Variants in ZBTB12 observed in about 807,000 individuals in gnomAD.
The protein encoded by ZBTB12 is zinc finger and BTB domain containing 12.
A neutral mutation model predicts 6.4 loss-of-function variants in ZBTB12; 1 was observed. The observed-to-expected ratio is 0.16, with a 90% CI of 0.06 to 0.74. The LOEUF (loss-of-function observed/expected upper bound fraction) is 0.74, where lower values mean the gene tolerates loss of function less well. Among genes scored for constraint, ZBTB12 ranks in the 30% least tolerant of loss-of-function variants. ZBTB12 has a pLI of 0.78. For missense variants in ZBTB12, 344 were observed against 613.9 expected (o/e 0.56, Z 4.65); for synonymous variants, 273 against 262.5 (o/e 1.04, Z -0.39).
Position 31,901,266 on chromosome 6 carries a change from C to G in ZBTB12, c.40G>C (p.Gly14Arg). The G allele has an allele frequency of 6.2e-7, 1 of 1,612,472 alleles. No homozygotes were observed. The highest frequency in any genetic ancestry group is 8.5e-7 in the Non-Finnish European group (1 of 1,179,306). Residue 14 changes from glycine to arginine, a missense_variant, in exon 2 of 2, where the codon GGC (glycine) becomes CGC (arginine). By Grantham distance (125) the Gly-to-Arg change is moderately radical. This residue lies in a region of ZBTB12 where 17 missense variants were observed against 16.5 expected (regional missense o/e 1.03). Transcript: ENST00000375527. The stretch of plus-strand genomic sequence containing the variant: ...TTCCGTAGCGTTGCGGCCTCGTGGC[C>G]GGGCAGCTGGAAGCGCAGGACTTCC... Reference protein sequence around the residue: ...GVEVLRFQLPGHEAATLRNMN... With the variant: ...GVEVLRFQLPRHEAATLRNMN...
In ZBTB12 at chr6:31,901,249, C is replaced by T. The variant is rs1767230158; in HGVS notation, c.57G>A (p.Thr19=). 1.9e-6 allele frequency: 3 copies of T among 1,612,988 alleles called. No individual in the cohort carries two copies. In the South Asian group the frequency reaches 3.3e-5, roughly 18 times the overall value. Residue 19 remains threonine, a synonymous_variant, in exon 2 of 2, where the codon ACG becomes ACA. Coordinates refer to ENST00000375527, the MANE Select transcript of ZBTB12 (RefSeq NM_181842.3). ...RFQLPGHEAA[T]LRNMNQLRAE... is the part of the protein sequence containing the mutation. ...CCCGGAGCTGGTTCATGTTCCGTAGCGTTGCGGCCTCGTGGCCGGGCAGCT... is the reference window on the plus strand; with the variant it reads ...CCCGGAGCTGGTTCATGTTCCGTAGTGTTGCGGCCTCGTGGCCGGGCAGCT...
At chr6:31,901,602 AG>A (rs1295406096) in intron 1 of ZBTB12, among the ~76,000 whole-genome samples, 1 of 151,438 alleles carries the variant, frequency 6.6e-6, no homozygotes, top group African/African-American at 2.4e-5. Context: ...ACGGAGAAAA[AG>A]GGGGGCCAGA....
Position 31,900,612 on chromosome 6 carries a change from C to A in ZBTB12, c.694G>T (p.Gly232Cys). 6.2e-7 allele frequency: 1 copy of A among 1,612,714 alleles called. No individual in the cohort carries two copies. Among genetic ancestry groups the A allele is most frequent in the Non-Finnish European group, 8.5e-7 (1 of 1,180,012 alleles). ...CCCACGGAGCCTCCAATGCCCAGACCCCCTCCCAGGCCTCCAGGGGGTTTG... is the reference window on the plus strand; with the variant it reads ...CCCACGGAGCCTCCAATGCCCAGACACCCTCCCAGGCCTCCAGGGGGTTTG... ...RLKPPGGLGGGLGIGGSVGGH... is the reference protein window; with the variant it reads ...RLKPPGGLGGCLGIGGSVGGH... The change falls in exon 2 of 2, where the codon GGT becomes TGT. Residue 232 changes from glycine to cysteine, a missense_variant. Gly to Cys is a radical substitution (Grantham distance 159). Around this residue, in one of 5 missense-constraint regions of ZBTB12, gnomAD observed 241 missense variants for 315.4 expected, o/e 0.76. Transcript: ENST00000375527. This position sits in a 1 kb window ranked among gnomAD's most constrained non-coding sequence, Gnocchi z 9.7.
chr6:31,900,658 G>C lies in ZBTB12; in HGVS notation c.648C>G (p.Ala216=). The change falls in exon 2 of 2, where the codon GCC becomes GCG. Residue 216 remains alanine (A), a synonymous_variant. Transcript: ENST00000375527. The surrounding 1 kb of genome is among the most constrained non-coding windows in gnomAD (Gnocchi z 9.7). The part of the protein sequence containing the change: ...SDICIVKVES[A]LEVAHRLKPP... ...GTTTGAGCCGGTGTGCCACCTCCAG[G>C]GCCGACTCCACCTTGACGATGCAGA... is the stretch of plus-strand genomic sequence containing the variant. The C allele has an allele frequency of 6.2e-7, 1 of 1,612,760 alleles. No homozygotes were observed. Among genetic ancestry groups the C allele is most frequent in the Non-Finnish European group, 8.5e-7 (1 of 1,179,966 alleles).
chr6:31,901,100 T>G lies in ZBTB12; in HGVS notation c.206A>C (p.Glu69Ala), dbSNP rs1333477969. ...RDQFLLNPSS[E>A]LQVSLMHSAR... Reference sequence around the variant, plus strand: ...ACTGTGCATCAGGGAGACCTGCAGCTCCGAGCTGGGGTTCAGCAGGAACTG... The same window carrying G: ...ACTGTGCATCAGGGAGACCTGCAGCGCCGAGCTGGGGTTCAGCAGGAACTG... Residue 69 changes from glutamate (E) to alanine (A), a missense_variant, in exon 2 of 2, where the codon GAG becomes GCG. Physicochemically the swap from Glu to Ala is moderately radical, Grantham distance 107. Around this residue, in one of 5 missense-constraint regions of ZBTB12, gnomAD observed 50 missense variants for 139.1 expected, o/e 0.36. Transcript: ENST00000375527. 6.2e-7 allele frequency: 1 copy of G among 1,614,034 alleles called. No individual in the cohort carries two copies. Among genetic ancestry groups the G allele is most frequent in the African/African-American group, 1.3e-5 (1 of 75,036 alleles).
At position 31,900,233 on chromosome 6, in the gene ZBTB12, A is replaced by T; in HGVS notation, c.1073T>A (p.Ile358Asn). 6.2e-7 allele frequency: 1 copy of T among 1,614,068 alleles called. No homozygotes were observed. The highest frequency in any genetic ancestry group is 8.5e-7 in the Non-Finnish European group (1 of 1,180,034). ...LVFHMRAQHF[I>N]FMCPRCGKQF... ...CTTGCCACAGCGAGGGCACATGAAGATGAAGTGCTGCGCCCGCATGTGGAA... is the reference window on the plus strand; with the variant it reads ...CTTGCCACAGCGAGGGCACATGAAGTTGAAGTGCTGCGCCCGCATGTGGAA... Residue 358 changes from isoleucine to asparagine, a missense_variant, in exon 2 of 2, where the codon ATC becomes AAC. By Grantham distance (149) the Ile-to-Asn change is moderately radical (BLOSUM62 -3). Around this residue, in one of 5 missense-constraint regions of ZBTB12, gnomAD observed 241 missense variants for 315.4 expected, o/e 0.76. Coordinates refer to ENST00000375527, the MANE Select transcript of ZBTB12 (RefSeq NM_181842.3). This position sits in a 1 kb window ranked among gnomAD's most constrained non-coding sequence, Gnocchi z 9.7.
chr6:31,901,065 C>T lies in ZBTB12; in HGVS notation c.241G>A (p.Val81Met). ...QVSLMHSARI[V>M]ADLLLSCYTG... ...TAGCAGGAGAGGAGCAAGTCGGCCA[C>T]GATGCGTGCACTGTGCATCAGGGAG... The change falls in exon 2 of 2, where the codon GTG (valine) becomes ATG (methionine). Residue 81 changes from valine (V) to methionine (M), a missense_variant. Coordinates refer to ENST00000375527, the MANE Select transcript of ZBTB12 (RefSeq NM_181842.3). The T allele has an allele frequency of 1.9e-6, 3 of 1,614,184 alleles. No individual in the cohort carries two copies. Among genetic ancestry groups the T allele is most frequent in the Non-Finnish European group, 2.5e-6 (3 of 1,180,038 alleles).
Position 31,900,495 on chromosome 6 carries a change from C to T in ZBTB12, c.811G>A (p.Glu271Lys). Reference protein sequence around the residue: ...GVVKACYSLSEDAEGEGLLLI... With the variant: ...GVVKACYSLSKDAEGEGLLLI... ...AGCAGGCCCTCCCCTTCTGCATCTT[C>T]CGACAGGCTATAGCAGGCCTTCACC... is the stretch of plus-strand genomic sequence containing the variant. Residue 271 changes from glutamate (E) to lysine (K), a missense_variant, in exon 2 of 2, where the codon GAA (glutamate) becomes AAA (lysine). This residue lies in a region of ZBTB12 where 241 missense variants were observed against 315.4 expected (regional missense o/e 0.76). Transcript: ENST00000375527. This position sits in a 1 kb window ranked among gnomAD's most constrained non-coding sequence, Gnocchi z 9.7. 3.1e-6 allele frequency: 5 copies of T among 1,609,970 alleles called. No homozygotes were observed. Among genetic ancestry groups the T allele is most frequent in the Non-Finnish European group, 4.2e-6 (5 of 1,179,542 alleles).
chr6:31,901,309 G>A lies in ZBTB12; in HGVS notation c.-4C>T, dbSNP rs1449437134. ...GGACTTCCACCCCAGAGGCCATTGT[G>A]GCGGGGGTGGGCAACCCTGGTTGGG... On this transcript the variant is annotated 5_prime_UTR_variant, in exon 2 of 2. Transcript: ENST00000375527. 2 of 1,603,000 alleles carry A rather than the reference G, an allele frequency of 1.2e-6. No homozygotes were observed. Among genetic ancestry groups the A allele is most frequent in the South Asian group, 2.2e-5 (2 of 90,582 alleles).
intron 1 of ZBTB12, 131 bp downstream of exon 1, chr6:31,901,706 T>G: frequency 1.6e-5 from 3 of 187,248 alleles, no homozygotes; most frequent in Non-Finnish European, 2.0e-5. Context: ...GCCCCCCCCT[T>G]ACACGTTTGC....
At position 31,901,036 on chromosome 6, in the gene ZBTB12, C is replaced by T. The variant is rs748362018; in HGVS notation, c.270G>A (p.Thr90=). ...CCCTAACAGCGAATTCCAAGGCGCC[C>T]GTGTAGCAGGAGAGGAGCAAGTCGG... The part of the protein sequence containing the change: ...IVADLLLSCY[T]GALEFAVRDI... The change falls in exon 2 of 2, where the codon ACG becomes ACA. Residue 90 remains threonine, a synonymous_variant. Transcript: ENST00000375527. 2 of 1,614,078 alleles carry T rather than the reference C, an allele frequency of 1.2e-6. No individual in the cohort carries two copies. Among genetic ancestry groups the T allele is most frequent in the Admixed American group, 1.7e-5 (1 of 60,006 alleles).
At position 31,900,374 on chromosome 6, in the gene ZBTB12, AGGCTGCCCCCCGCCCCCC is replaced by A. The variant is rs765347637; in HGVS notation, c.914_931del (p.Arg305_Ser310del). On this transcript the variant is annotated inframe_deletion, in exon 2 of 2. Coordinates refer to ENST00000375527, the MANE Select transcript of ZBTB12 (RefSeq NM_181842.3). This position sits in a 1 kb window ranked among gnomAD's most constrained non-coding sequence, Gnocchi z 9.7. ...GGGTCCCCGGCTGCCCCCCGCCCCCAGGCTGCCCCCCGCCCCCCGGGCAGCCATGGCCACCGCTGCTGC... is the reference window on the plus strand; with the variant it reads ...GGGTCCCCGGCTGCCCCCCGCCCCCAGGGCAGCCATGGCCACCGCTGCTGC... 1.9e-5 allele frequency: 27 copies of A among 1,404,966 alleles called. No individual in the cohort carries two copies. The highest frequency in any genetic ancestry group is 4.6e-5 in the African/African-American group (3 of 65,192). The allele number at this position is 1,404,966 out of a possible 1,614,324, so 87.0% of individuals were successfully genotyped here. A position where few individuals can be genotyped will look rare whatever the true frequency, so the allele number is the denominator to read the frequency against.
Position 31,901,266 on chromosome 6 carries a change from C to CGGGCAGCT in ZBTB12, c.32_39dup (p.Gly14SerfsTer13). The CGGGCAGCT allele has an allele frequency of 6.2e-7, 1 of 1,612,472 alleles. No homozygotes were observed. The highest frequency in any genetic ancestry group is 8.5e-7 in the Non-Finnish European group (1 of 1,179,306). On this transcript the variant is annotated frameshift_variant, in exon 2 of 2. Transcript: ENST00000375527. LOFTEE classifies it low-confidence loss of function (END_TRUNC). ...TTCCGTAGCGTTGCGGCCTCGTGGC[C>CGGGCAGCT]GGGCAGCTGGAAGCGCAGGACTTCC...
chr6:31,900,496 C>A lies in ZBTB12; in HGVS notation c.810G>T (p.Ser270=). The A allele has an allele frequency of 1.2e-6, 2 of 1,609,924 alleles. No homozygotes were observed. Among genetic ancestry groups the A allele is most frequent in the Non-Finnish European group, 1.7e-6 (2 of 1,179,522 alleles). The change falls in exon 2 of 2, where the codon TCG becomes TCT. Residue 270 remains serine, a synonymous_variant. Coordinates refer to ENST00000375527, the MANE Select transcript of ZBTB12 (RefSeq NM_181842.3). This position sits in a 1 kb window ranked among gnomAD's most constrained non-coding sequence, Gnocchi z 9.7. ...GCAGGCCCTCCCCTTCTGCATCTTC[C>A]GACAGGCTATAGCAGGCCTTCACCA... The part of the protein sequence containing the change: ...QGVVKACYSL[S]EDAEGEGLLL...
At position 31,901,000 on chromosome 6, in the gene ZBTB12, G is replaced by A; in HGVS notation, c.306C>T (p.Asn102=). The A allele has an allele frequency of 2.5e-6, 4 of 1,614,240 alleles. No individual in the cohort carries two copies. Among genetic ancestry groups the A allele is most frequent in the Non-Finnish European group, 2.5e-6 (3 of 1,180,038 alleles). The change falls in exon 2 of 2, where the codon AAC becomes AAT. Residue 102 remains asparagine, a synonymous_variant. Coordinates refer to ENST00000375527, the MANE Select transcript of ZBTB12 (RefSeq NM_181842.3). The surrounding 1 kb of genome is among the most constrained non-coding windows in gnomAD (Gnocchi z 9.7). ...GCAGGTAGGAGGCGGCTGTAAGGTA[G>A]TTGACGATGTCCCTAACAGCGAATT... The part of the protein sequence containing the change: ...ALEFAVRDIV[N]YLTAASYLQM...
Position 31,899,976 on chromosome 6 carries a change from C to G in ZBTB12, c.1330G>C (p.Glu444Gln). The G allele has an allele frequency of 1.2e-6, 2 of 1,603,044 alleles. No homozygotes were observed. The highest frequency in any genetic ancestry group is 1.1e-5 in the South Asian group (1 of 90,802). ...GCCACACTGGCCTCCAGCACGTTCTCGGCCGTGGTCTTGCCGTGTTGCTCC... is the reference window on the plus strand; with the variant it reads ...GCCACACTGGCCTCCAGCACGTTCTGGGCCGTGGTCTTGCCGTGTTGCTCC... ...LKEQHGKTTA[E>Q]NVLEASVAEI... The change falls in exon 2 of 2, where the codon GAG becomes CAG. Residue 444 changes from glutamate (E) to glutamine (Q), a missense_variant. Transcript: ENST00000375527.
chr6:31,900,603 T>A lies in ZBTB12; in HGVS notation c.703A>T (p.Ile235Phe), dbSNP rs776911338. 6.2e-7 allele frequency: 1 copy of A among 1,612,666 alleles called. No individual in the cohort carries two copies. Among genetic ancestry groups the A allele is most frequent in the South Asian group, 1.1e-5 (1 of 91,028 alleles). Residue 235 changes from isoleucine (I) to phenylalanine (F), a missense_variant, in exon 2 of 2, where the codon ATT becomes TTT. Ile to Phe is a conservative substitution (Grantham distance 21). Transcript: ENST00000375527. The surrounding 1 kb of genome is among the most constrained non-coding windows in gnomAD (Gnocchi z 9.7). ...AGGTGGCCACCCACGGAGCCTCCAA[T>A]GCCCAGACCCCCTCCCAGGCCTCCA... The part of the protein sequence containing the change: ...PPGGLGGGLG[I>F]GGSVGGHLGE...
At position 31,900,760 on chromosome 6, in the gene ZBTB12, C is replaced by T; in HGVS notation, c.546G>A (p.Leu182=). 1 of 1,590,336 alleles carries T rather than the reference C, an allele frequency of 6.3e-7. No individual in the cohort carries two copies. Among genetic ancestry groups the T allele is most frequent in the Non-Finnish European group, 8.6e-7 (1 of 1,166,466 alleles). Residue 182 remains leucine (L), a synonymous_variant, in exon 2 of 2, where the codon CTG becomes CTA. Transcript: ENST00000375527. The surrounding 1 kb of genome is among the most constrained non-coding windows in gnomAD (Gnocchi z 9.7). The part of the protein sequence containing the change: ...LPPPLLRPVK[L]EFPLDEDLEL... ...CCAAGTCTTCATCCAGTGGGAACTC[C>T]AGCTTCACTGGCCGCAGGAGTGGAG...
rs1767361799 is a variant in ZBTB12 at position 31,902,046 on chromosome 6, G to C, written c.-230C>G. ...GCCGTGTGTTCCAGGCCCCGCGCGC[G>C]CGGCGGCGGCGGCGTCGGCTAGGAC... On this transcript the variant is annotated 5_prime_UTR_variant, in exon 1 of 2. Transcript: ENST00000375527. 6.6e-6 allele frequency: 1 copy of C among 150,448 alleles called. No individual in the cohort carries two copies. The highest frequency in any genetic ancestry group is 2.4e-5 in the African/African-American group (1 of 40,894). The allele number at this position is 150,448 out of a possible 1,614,324, so 9.3% of individuals were successfully genotyped here. A position where few individuals can be genotyped will look rare whatever the true frequency, so the allele number is the denominator to read the frequency against.
Sources: allele counts gnomAD v4.1 joint callset (sites outside exome capture counted in the v4.1 genomes callset), GRCh38; gene constraint gnomAD v4.1.1; regional missense constraint gnomAD v4.1.1; non-coding constraint Gnocchi (gnomAD v3.1); transcripts MANE v1.5; gene names NCBI Gene and HGNC (gene_info 2026-07-23, HGNC 2026-07-21).